The following PRKCE variants were observed in gnomAD, a reference collection of about 807,000 sequenced individuals.
PRKCE encodes the protein protein kinase C epsilon type.
PRKCE carries 16 observed loss-of-function variants against 85.4 expected under a neutral mutation model. The observed-to-expected ratio is 0.19, with a 90% CI of 0.13 to 0.28. PRKCE has a LOEUF of 0.28. Ranked by LOEUF, PRKCE falls within the 10% of genes least tolerant of loss-of-function variation. The probability of loss-of-function intolerance (pLI) is 1.00; values close to 1 mark genes in which losing one functional copy is unlikely to be tolerated. For synonymous variants in PRKCE, 388 were observed against 371.5 expected, an observed-to-expected ratio of 1.04 and a Z score of -0.51; for missense variants, 573 against 975.2, an observed-to-expected ratio of 0.59 and a Z score of 5.49.
chr2:45,835,683 C>T (rs1690808189), intron 1 of PRKCE, among the ~76,000 whole-genome samples: 1 of 151,736 alleles, frequency 6.6e-6, no homozygotes, highest in Admixed American at 6.6e-5. Flanking sequence ...CTCAAACTCC[C>T]AGGTTCAAGC....
intron 10 of PRKCE, among the ~76,000 whole-genome samples, chr2:46,024,509 A>T (rs1706946695): frequency 6.6e-6 from 1 of 152,104 alleles, no homozygotes; most frequent in African/African-American, 2.4e-5. Context: ...TTCACCTGGG[A>T]TTCATCAGCA....
At chr2:46,151,881 G>A (rs1002808579) in intron 13 of PRKCE, among the ~76,000 whole-genome samples, 1 of 152,220 alleles carries the variant, frequency 6.6e-6, no homozygotes, top group African/African-American at 2.4e-5. Flanking sequence ...CTTGTACTGT[G>A]TCAAGCAAGT....
intron 2 of PRKCE, among the ~76,000 whole-genome samples, chr2:45,932,920 C>T (rs1699149713): frequency 2.0e-5 from 3 of 152,210 alleles, no homozygotes; most frequent in African/African-American, 7.2e-5. Context: ...AGCTCAATGT[C>T]TTCAAGGCTC....
intron 1 of PRKCE, among the ~76,000 whole-genome samples, chr2:45,715,111 T>A (rs1043180093): frequency 2.0e-5 from 3 of 152,256 alleles, no homozygotes; most frequent in African/African-American, 7.2e-5. Context: ...GAGCTGTGGG[T>A]TGAATGCATA....
chr2:45,663,009 A>G (rs528600375), intron 1 of PRKCE, among the ~76,000 whole-genome samples: 17 of 152,334 alleles, frequency 1.1e-4, no homozygotes, highest in African/African-American at 3.8e-4. Context: ...GATGGAGCAT[A>G]TAATTGACCA....
intron 1 of PRKCE, among the ~76,000 whole-genome samples, chr2:45,660,419 C>T (rs898243093): frequency 6.6e-6 from 1 of 152,190 alleles, no homozygotes; most frequent in African/African-American, 2.4e-5. Context: ...TAGGAATTTT[C>T]TACCCTCTGA....
At chr2:45,902,818 C>G (rs1462734789) in intron 2 of PRKCE, among the ~76,000 whole-genome samples, 1 of 152,156 alleles carries the variant, frequency 6.6e-6, no homozygotes, top group Non-Finnish European at 1.5e-5. Context: ...GGGTTAATAG[C>G]TATTAGAAGG....
Position 45,976,333 on chromosome 2 carries a change from A to G in PRKCE, c.413-96A>G. 11 of 1,425,364 alleles carry G rather than the reference A, an allele frequency of 7.7e-6. No homozygotes were observed. The South Asian group carries it at 1.2e-4, about 15-fold the overall frequency. The allele number at this position is 1,425,364 out of a possible 1,614,324, so 88.3% of individuals were successfully genotyped here. A position where few individuals can be genotyped will look rare whatever the true frequency, so the allele number is the denominator to read the frequency against. ...GCTACCTCTCACCCACCCCAGCTCCACTCCCCCAGGGATGGAGTAGCTCTC... is the reference window on the plus strand; with the variant it reads ...GCTACCTCTCACCCACCCCAGCTCCGCTCCCCCAGGGATGGAGTAGCTCTC... On this transcript the variant is annotated intron_variant, in intron 2 of 14. Coordinates refer to ENST00000306156, the MANE Select transcript of PRKCE (RefSeq NM_005400.3).
At chr2:45,807,616 T>A (rs1688342372) in intron 1 of PRKCE, among the ~76,000 whole-genome samples, 1 of 152,056 alleles carries the variant, frequency 6.6e-6, no homozygotes, top group Non-Finnish European at 1.5e-5. Flanking sequence ...CGAGGCAAGG[T>A]CTCCCAGAGC....
At chr2:46,090,505 A>C (rs1410675602) in intron 11 of PRKCE, among the ~76,000 whole-genome samples, 2 of 152,178 alleles carry the variant, frequency 1.3e-5, no homozygotes, top group South Asian at 2.1e-4. Context: ...ACAGTACCCT[A>C]CTGGCAGTAG....
At chr2:45,873,455 C>CAAAAAAAAAA in intron 2 of PRKCE, among the ~76,000 whole-genome samples, 1 of 143,826 alleles carries the variant, frequency 7.0e-6, no homozygotes, top group Admixed American at 6.8e-5. Context: ...TAGTAGACTG[C>CAAAAAAAAAA]AAAAAAAAAA....
At chr2:45,718,741 G>C (rs1162129656) in intron 1 of PRKCE, among the ~76,000 whole-genome samples, 2 of 152,152 alleles carry the variant, frequency 1.3e-5, no homozygotes, top group African/African-American at 4.8e-5. Context: ...ACCTGTTATA[G>C]CTCTGGAGGC....
intron 1 of PRKCE, among the ~76,000 whole-genome samples, chr2:45,681,101 C>T (rs1194774371): frequency 1.3e-5 from 2 of 151,788 alleles, no homozygotes; most frequent in Non-Finnish European, 2.9e-5. Context: ...CCAGCCTGGC[C>T]AAGATGCTAA....
At position 46,087,162 on chromosome 2, in the gene PRKCE, T is replaced by C. The variant is rs1328153533; in HGVS notation, c.1592+800T>C. ...TTTATTTTATTCTATTCTATTCTTT[T>C]TTTTTTTTTAATTGGGTAGAGGAGT... On this transcript the variant is annotated intron_variant, in intron 11 of 14. Transcript: ENST00000306156. Among the ~76,000 whole-genome samples, 624 of 150,952 alleles carry C rather than the reference T, an allele frequency of 4.1e-3. 6 individuals are homozygous for C. The highest frequency in any genetic ancestry group is 0.014 in the African/African-American group (589 of 41,382).
intron 1 of PRKCE, among the ~76,000 whole-genome samples, chr2:45,812,890 G>A (rs923160666): frequency 1.3e-5 from 2 of 152,140 alleles, no homozygotes; most frequent in African/African-American, 2.4e-5. Flanking sequence ...ATAATAGTCC[G>A]CCAGGAAAAT....
chr2:46,151,008 G>A (rs768936563), intron 12 of PRKCE, 33 bp from the exon 13 acceptor site: 1 of 1,575,436 alleles, frequency 6.3e-7, no homozygotes, highest in Non-Finnish European at 8.6e-7. Context: ...GGGAGCCTTT[G>A]ATGGTGCCTG....
chr2:45,890,247 T>A (rs1007148998), intron 2 of PRKCE, among the ~76,000 whole-genome samples: 1 of 152,244 alleles, frequency 6.6e-6, no homozygotes, highest in Non-Finnish European at 1.5e-5. Context: ...CCTAGCTTAG[T>A]TATTACCCAT....
intron 2 of PRKCE, among the ~76,000 whole-genome samples, chr2:45,911,624 A>G (rs1278095055): frequency 6.6e-6 from 1 of 152,096 alleles, no homozygotes; most frequent in Non-Finnish European, 1.5e-5. Context: ...CTGTCAGTCC[A>G]TTTTCTATGA....
chr2:45,876,130 A>C (rs1694460058), intron 2 of PRKCE, among the ~76,000 whole-genome samples: 1 of 152,186 alleles, frequency 6.6e-6, no homozygotes, highest in South Asian at 2.1e-4. Context: ...ATAATAAAAT[A>C]TTACAGTGGC....
Sources: gnomAD v4.1 joint callset for allele counts (sites outside exome capture counted in the v4.1 genomes callset) on GRCh38, gnomAD v4.1.1 for gene constraint, MANE v1.5 for transcripts, NCBI Gene and HGNC (gene_info 2026-07-23, HGNC 2026-07-21) for gene names.